Variants in TG observed in about 807,000 individuals in gnomAD.
TG encodes the protein thyroglobulin.
Under a neutral mutation model 324.7 loss-of-function variants are expected in TG, and 270 were observed. The observed-to-expected ratio is 0.83, with a 90% CI of 0.75 to 0.92. The LOEUF (loss-of-function observed/expected upper bound fraction) is 0.92. TG is among the 40% of genes least tolerant of loss of function. The probability of loss-of-function intolerance (pLI) is 0.00; values close to 1 mark genes in which losing one functional copy is unlikely to be tolerated. For synonymous variants in TG, 1,401 were observed against 1,327.0 expected (o/e 1.06, Z -1.21); for missense variants, 3,591 against 3,456.4 (o/e 1.04, Z -0.98).
chr8:133,071,800 C>T (rs553152115), intron 41 of TG, among the ~76,000 whole-genome samples: 4 of 152,246 alleles, frequency 2.6e-5, no homozygotes, highest in African/African-American at 9.6e-5. Flanking sequence ...GCACATACCA[C>T]GATTTGTCCT....
At chr8:132,898,948 G>A in intron 14 of TG, 38 bp downstream of exon 14, 1 of 1,537,872 alleles carries the variant, frequency 6.5e-7, no homozygotes, top group South Asian at 1.1e-5. Flanking sequence ...GCCGGGACTT[G>A]TCCCCGCTGG....
At chr8:133,134,493 C>T (rs930151147) in intron 47 of TG, among the ~76,000 whole-genome samples, 183 bp from the exon 48 acceptor site, 1 of 152,158 alleles carries the variant, frequency 6.6e-6, no homozygotes, top group Non-Finnish European at 1.5e-5. Context: ...ACCATTGTAC[C>T]CTTAGCATGT....
At chr8:133,069,411 T>C (rs1453203303) in intron 41 of TG, among the ~76,000 whole-genome samples, 1 of 152,236 alleles carries the variant, frequency 6.6e-6, no homozygotes, top group African/African-American at 2.4e-5. Flanking sequence ...CCCCACACTC[T>C]ACAGCTCCCA....
At chr8:133,074,328 A>G (rs1348420974) in intron 41 of TG, among the ~76,000 whole-genome samples, 1 of 152,126 alleles carries the variant, frequency 6.6e-6, no homozygotes, top group East Asian at 1.9e-4. Flanking sequence ...ACCTGGCTCC[A>G]TGCACCTTTA....
chr8:132,913,838 C>A (rs1819892558), intron 20 of TG, among the ~76,000 whole-genome samples: 1 of 152,184 alleles, frequency 6.6e-6, no homozygotes, highest in African/African-American at 2.4e-5. Context: ...TATTATCTTA[C>A]ATTTCTATAG....
chr8:133,103,249 G>A (rs1435480183), intron 43 of TG, among the ~76,000 whole-genome samples: 1 of 152,228 alleles, frequency 6.6e-6, no homozygotes, highest in Non-Finnish European at 1.5e-5. Context: ...AATGGACACA[G>A]TGAGAGCCAC....
intron 34 of TG, among the ~76,000 whole-genome samples, chr8:132,973,198 G>A (rs1352821431): frequency 3.9e-5 from 6 of 152,202 alleles, no homozygotes; most frequent in African/African-American, 1.4e-4. Context: ...TCCTCAAACA[G>A]TAGTGAAGGC....
chr8:133,113,586 T>C lies in TG; in HGVS notation c.7737T>C (p.Ala2579=), dbSNP rs145611717. The C allele has an allele frequency of 8.3e-4, 1,346 of 1,613,986 alleles. 13 individuals are homozygous for C. Among genetic ancestry groups the C allele is most frequent in the Admixed American group, 1.2e-3 (72 of 59,988 alleles). The change falls in exon 44 of 48, where the codon GCT becomes GCC. Residue 2579 remains alanine, a synonymous_variant. Transcript: ENST00000220616. Reference sequence around the variant, plus strand: ...ATGACTATGCCTCCTTCTCCCGGGCTCTGGAGAATGCCACCCGGTAAGCTA... The same window carrying C: ...ATGACTATGCCTCCTTCTCCCGGGCCCTGGAGAATGCCACCCGGTAAGCTA... ...STDDYASFSR[A]LENATRDYFI... is the part of the protein sequence containing the mutation.
intron 41 of TG, among the ~76,000 whole-genome samples, chr8:133,066,649 C>G (rs1843079257): frequency 6.6e-6 from 1 of 152,206 alleles, no homozygotes; most frequent in Non-Finnish European, 1.5e-5. Flanking sequence ...ATTTTCAAAG[C>G]AGGCAGGCCT....
At chr8:132,979,794 T>G (rs1035169055) in intron 34 of TG, among the ~76,000 whole-genome samples, 32 of 152,066 alleles carry the variant, frequency 2.1e-4, no homozygotes, top group Non-Finnish European at 4.1e-4. Context: ...CAACCCTCTG[T>G]TCCAGTGATT....
intron 44 of TG, among the ~76,000 whole-genome samples, chr8:133,115,341 C>T (rs566213049): frequency 7.9e-5 from 12 of 152,136 alleles, no homozygotes; most frequent in Admixed American, 2.6e-4. Context: ...GTGTCCCACC[C>T]GAGGCCTGCC....
Position 133,067,809 on chromosome 8 carries a change from A to AAAGG in TG, c.7240-27222_7240-27219dup, listed in dbSNP as rs139216271. Among the ~76,000 whole-genome samples the AAAGG allele has an allele frequency of 9.3e-3, 1,396 of 150,040 alleles. 22 individuals carry two copies. The highest frequency in any genetic ancestry group is 0.033 in the African/African-American group (1,328 of 40,600). ...AAGAAAGAAAAAGAAAGAAAGAAAG[A>AAAGG]AAGGAAGGAAGGAAGGGGGAGAGAG... On this transcript the variant is annotated intron_variant, in intron 41 of 47. Transcript: ENST00000220616.
At chr8:132,936,188 A>G (rs948661840) in intron 25 of TG, among the ~76,000 whole-genome samples, 4 of 152,238 alleles carry the variant, frequency 2.6e-5, no homozygotes. Flanking sequence ...ACACAAAGCT[A>G]CGAAGTGAAG....
At chr8:133,074,162 G>A (rs961729368) in intron 41 of TG, among the ~76,000 whole-genome samples, 5 of 152,142 alleles carry the variant, frequency 3.3e-5, no homozygotes, top group African/African-American at 9.7e-5. Context: ...GCTGTTTTCA[G>A]AATTTATATA....
chr8:132,978,054 T>G (rs1830392363), intron 34 of TG, among the ~76,000 whole-genome samples: 1 of 152,094 alleles, frequency 6.6e-6, no homozygotes, highest in Non-Finnish European at 1.5e-5. Context: ...TATAAAGGAG[T>G]ATCCAAGACT....
chr8:132,891,806 A>G (rs1816276899), intron 10 of TG, among the ~76,000 whole-genome samples: 1 of 152,260 alleles, frequency 6.6e-6, no homozygotes. Flanking sequence ...CAAAAAAACA[A>G]TAACTTCAAA....
chr8:133,134,842 G>C lies in TG; in HGVS notation c.*48G>C. ...ACCTCACCCGAGGCTGCCCACTATG[G>C]TCATCTTTTTCTCTAAAATAGCCAC... is the stretch of plus-strand genomic sequence containing the variant. On this transcript the variant is annotated 3_prime_UTR_variant, in exon 48 of 48. Transcript: ENST00000220616. The C allele has an allele frequency of 1.3e-6, 2 of 1,484,870 alleles. No individual in the cohort carries two copies. The highest frequency in any genetic ancestry group is 1.9e-6 in the Non-Finnish European group (2 of 1,062,576). 92.0% of individuals were successfully genotyped at this position (1,484,870 alleles called of 1,614,324 possible).
At chr8:133,124,627 C>T (rs370999548) in intron 45 of TG, among the ~76,000 whole-genome samples, 34 of 152,332 alleles carry the variant, frequency 2.2e-4, no homozygotes, top group African/African-American at 8.2e-4. Context: ...GTCCATTAAA[C>T]ATCTGGCTCA....
chr8:132,949,787 G>C (rs1199707878), intron 27 of TG, among the ~76,000 whole-genome samples: 3 of 152,148 alleles, frequency 2.0e-5, no homozygotes, highest in Non-Finnish European at 4.4e-5. Context: ...ATCTGCCCCA[G>C]CCTCTCAGTT....
Sources: allele counts gnomAD v4.1 joint callset (sites outside exome capture counted in the v4.1 genomes callset), GRCh38; gene constraint gnomAD v4.1.1; transcripts MANE v1.5; gene names NCBI Gene and HGNC (gene_info 2026-07-23, HGNC 2026-07-21).